The following PRH1 variants were observed in gnomAD, a reference collection of about 807,000 sequenced individuals.
PRH1 encodes salivary acidic proline-rich phosphoprotein 1/2.
In PRH1, 7 loss-of-function variants were observed where a neutral mutation model predicts 7.9. That is an observed-to-expected ratio of 0.89 (90% CI 0.50 to 1.67). PRH1 has a LOEUF of 1.67. PRH1 is among the 40% of genes most tolerant of loss of function. PRH1 has a pLI of 0.00. For missense variants in PRH1, 109 were observed against 223.6 expected (o/e 0.49, Z 3.27); for synonymous variants, 45 against 80.8 (o/e 0.56, Z 2.38).
chr12:11,038,897 C>G (rs1218748486), intron 1 of PRH1, among the ~76,000 whole-genome samples: 56 of 152,148 alleles, frequency 3.7e-4, no homozygotes, highest in Non-Finnish European at 4.4e-5. Context: ...TGTGTCGTAT[C>G]CTTTCCAAAA....
chr12:11,090,977 T>C lies in PRH1; in HGVS notation n.124-43789A>G, dbSNP rs189713398. On this transcript the variant is annotated intron_variant and non_coding_transcript_variant, in intron 1 of 4. Coordinates refer to the PRH1 transcript ENST00000541977. ...ACAAATGAAATAAAAAATACATGAA[T>C]GAAATAAACATGGCTTCAAAATTCT... Among the ~76,000 whole-genome samples the C allele has an allele frequency of 7.0e-3, 766 of 108,782 alleles. 176 individuals carry two copies. The highest frequency in any genetic ancestry group is 0.021 in the African/African-American group (706 of 32,930). 71.4% of individuals were successfully genotyped at this position (108,782 alleles called of 152,430 possible).
chr12:11,036,785 AT>A (rs1231759707), intron 1 of PRH1, among the ~76,000 whole-genome samples: 3 of 152,334 alleles, frequency 2.0e-5, no homozygotes, highest in Non-Finnish European at 4.4e-5. Context: ...CAAATTATGT[AT>A]TTAAATATTT....
intron 2 of PRH1, among the ~76,000 whole-genome samples, chr12:10,906,278 T>C (rs567229430): frequency 2.6e-5 from 4 of 152,332 alleles, no homozygotes; most frequent in Admixed American, 6.5e-5. Context: ...ATTGCAAATA[T>C]TTATTCCAAC....
At chr12:10,982,895 G>A (rs1450411299) in intron 1 of PRH1, among the ~76,000 whole-genome samples, 2 of 152,090 alleles carry the variant, frequency 1.3e-5, no homozygotes, top group African/African-American at 2.4e-5. Flanking sequence ...CACTAAAAGG[G>A]AAATACAGTT....
chr12:10,917,954 C>T (rs1949995728), intron 2 of PRH1, among the ~76,000 whole-genome samples: 1 of 152,184 alleles, frequency 6.6e-6, no homozygotes, highest in African/African-American at 2.4e-5. Context: ...AGAAGCTGAG[C>T]AGATATCAGT....
intron 1 of PRH1, among the ~76,000 whole-genome samples, chr12:11,125,978 G>A (rs80022763): frequency 0.11 from 11,381 of 104,328 alleles, no homozygotes; most frequent in Middle Eastern, 0.13. Flanking sequence ...AATTACCATG[G>A]TGTCTACAAG....
intron 2 of PRH1, among the ~76,000 whole-genome samples, chr12:10,962,525 A>T (rs1462411488): frequency 6.6e-6 from 1 of 152,180 alleles, no homozygotes; most frequent in East Asian, 1.9e-4. Context: ...CCACACTTTT[A>T]CTCTGAAAAA....
intron 1 of PRH1, among the ~76,000 whole-genome samples, chr12:10,984,975 T>C (rs1345871128): frequency 6.6e-6 from 1 of 152,024 alleles, no homozygotes; most frequent in Non-Finnish European, 1.5e-5. Context: ...TTTTCTAAGG[T>C]AGGGAAGACT....
chr12:11,027,716 A>G (rs1430518610), intron 1 of PRH1, among the ~76,000 whole-genome samples: 1 of 152,250 alleles, frequency 6.6e-6, no homozygotes, highest in Non-Finnish European at 1.5e-5. Context: ...ATGATCCAGC[A>G]GGATTCAAAG....
At chr12:11,030,035 T>C (rs1253832787) in intron 1 of PRH1, among the ~76,000 whole-genome samples, 1 of 152,220 alleles carries the variant, frequency 6.6e-6, no homozygotes, top group Non-Finnish European at 1.5e-5. Context: ...TGGGATAAGC[T>C]GTTACTTCTT....
At position 10,938,188 on chromosome 12, in the gene PRH1, C is replaced by T. The variant is rs1950321122; in HGVS notation, c.-59+35467G>A. 3 of 1,094,172 alleles carry T rather than the reference C, an allele frequency of 2.7e-6. No homozygotes were observed. In the African/African-American group the frequency reaches 4.8e-5, roughly 18 times the overall value. The allele number at this position is 1,094,172 out of a possible 1,614,324, so 67.8% of individuals were successfully genotyped here. A position where few individuals can be genotyped will look rare whatever the true frequency, so the allele number is the denominator to read the frequency against. On this transcript the variant is annotated intron_variant, in intron 2 of 3. Coordinates refer to the PRH1 transcript ENST00000539853. ...ACAAAGTTATACACAATGAAAGAAT[C>T]TTAAGGAAGTATAAATTTATATAAC...
At chr12:11,065,053 GATAATA>G (rs963790179) in intron 1 of PRH1, among the ~76,000 whole-genome samples, 2 of 151,684 alleles carry the variant, frequency 1.3e-5, no homozygotes, top group African/African-American at 4.8e-5. Context: ...GAATAATACT[GATAATA>G]ATAATAATTT....
At chr12:11,141,294 CA>C (rs1946696489) in intron 1 of PRH1, among the ~76,000 whole-genome samples, 1 of 152,086 alleles carries the variant, frequency 6.6e-6, no homozygotes, top group Non-Finnish European at 1.5e-5. Flanking sequence ...AAATGCTCAG[CA>C]ATTGTGTAAC....
chr12:10,984,960 A>G (rs1451714431), intron 1 of PRH1, among the ~76,000 whole-genome samples: 1 of 152,050 alleles, frequency 6.6e-6, no homozygotes, highest in Non-Finnish European at 1.5e-5. Flanking sequence ...TTTTACATAG[A>G]GTATTTTTCT....
Position 10,908,335 on chromosome 12 carries a change from C to T in PRH1, c.-58-24060G>A, listed in dbSNP as rs1949835694. 4 of 1,511,846 alleles carry T rather than the reference C, an allele frequency of 2.6e-6. No individual in the cohort carries two copies. The Admixed American group carries it at 6.3e-5, about 24-fold the overall frequency. The allele number at this position is 1,511,846 out of a possible 1,614,324, so 93.7% of individuals were successfully genotyped here. On this transcript the variant is annotated intron_variant, in intron 2 of 3. Coordinates refer to the PRH1 transcript ENST00000539853. ...ACTCCTTGTAGACTCCTGTTTCTGT[C>T]TGCAATATTCAATAATCTGTGGTCT...
chr12:11,050,483 G>T (rs1264877940), upstream of PRH1, among the ~76,000 whole-genome samples: 1 of 152,106 alleles, frequency 6.6e-6, no homozygotes, highest in African/African-American at 2.4e-5. Context: ...CTTCAGCATG[G>T]GTGTCATGGC....
intron 1 of PRH1, among the ~76,000 whole-genome samples, chr12:11,148,671 C>A (rs536139073): frequency 1.7e-5 from 2 of 117,686 alleles, no homozygotes; most frequent in African/African-American, 5.8e-5. Context: ...TTTTGATGTG[C>A]TGCTGGATTC....
intron 1 of PRH1, among the ~76,000 whole-genome samples, chr12:10,980,831 A>G (rs1482836852): frequency 6.6e-6 from 1 of 152,140 alleles, no homozygotes; most frequent in African/African-American, 2.4e-5. Flanking sequence ...AATAAACTAT[A>G]TTCAGTACTG....
chr12:10,958,095 T>C (rs974212263), intron 2 of PRH1, among the ~76,000 whole-genome samples: 2 of 152,090 alleles, frequency 1.3e-5, no homozygotes, highest in Admixed American at 1.3e-4. Flanking sequence ...TGTTCTACCA[T>C]AAAGACACAT....
Sources: gnomAD v4.1 joint callset for allele counts (sites outside exome capture counted in the v4.1 genomes callset) on GRCh38, gnomAD v4.1.1 for gene constraint, MANE v1.5 for transcripts, NCBI Gene and HGNC (gene_info 2026-07-23, HGNC 2026-07-21) for gene names.